DNM3: variants seen among roughly 807,000 people sequenced by gnomAD.
The protein encoded by DNM3 is dynamin-3.
DNM3 carries 47 observed loss-of-function variants against 101.6 expected under a neutral mutation model. The ratio of observed to expected loss-of-function variants is 0.46; its 90% CI spans 0.37 to 0.59. The LOEUF (loss-of-function observed/expected upper bound fraction) is 0.59, where lower values mean the gene tolerates loss of function less well. DNM3 is among the 20% of genes least tolerant of loss of function. The pLI is 0.00. For missense variants in DNM3, 849 were observed against 1,085.7 expected (o/e 0.78, Z 3.06); for synonymous variants, 385 against 387.9 (o/e 0.99, Z 0.09).
chr1:172,039,850 A>G (rs1382413731), intron 7 of DNM3, among the ~76,000 whole-genome samples: 1 of 152,124 alleles, frequency 6.6e-6, no homozygotes, highest in African/African-American at 2.4e-5. Flanking sequence ...ATGAATGATA[A>G]TAAGATTCTT....
At chr1:171,911,503 G>A (rs1259427574) in intron 1 of DNM3, among the ~76,000 whole-genome samples, 1 of 152,052 alleles carries the variant, frequency 6.6e-6, no homozygotes, top group East Asian at 1.9e-4. Flanking sequence ...AGCTGGTCTC[G>A]AACTCCCAAC....
intron 14 of DNM3, among the ~76,000 whole-genome samples, chr1:172,155,219 A>C (rs1281101936): frequency 6.6e-6 from 1 of 151,946 alleles, no homozygotes; most frequent in Non-Finnish European, 1.5e-5. Context: ...TTTAATAAAC[A>C]TGACCAAATC....
chr1:172,124,605 T>G (rs932157425), intron 13 of DNM3, among the ~76,000 whole-genome samples: 1 of 152,210 alleles, frequency 6.6e-6, no homozygotes, highest in Non-Finnish European at 1.5e-5. Flanking sequence ...AAGCATGTGC[T>G]TAGGAGAAGA....
At chr1:172,069,301 T>A (rs2125937287) in intron 11 of DNM3, among the ~76,000 whole-genome samples, 1 of 152,312 alleles carries the variant, frequency 6.6e-6, no homozygotes, top group South Asian at 2.1e-4. Context: ...TCCAGAAGAT[T>A]CACAAACTCC....
At chr1:172,314,509 C>G (rs1221728612) in intron 16 of DNM3, among the ~76,000 whole-genome samples, 1 of 152,150 alleles carries the variant, frequency 6.6e-6, no homozygotes, top group Non-Finnish European at 1.5e-5. Flanking sequence ...CAGACGGCAC[C>G]TGGAAAATCA....
At chr1:171,879,648 G>A (rs1311695517) in intron 1 of DNM3, among the ~76,000 whole-genome samples, 1 of 152,220 alleles carries the variant, frequency 6.6e-6, no homozygotes, top group Non-Finnish European at 1.5e-5. Flanking sequence ...GAAAGGCACA[G>A]TGGACTGCGT....
At chr1:171,984,239 AGTTGTTTCAAACCTAG>A (rs1364295565) in intron 2 of DNM3, among the ~76,000 whole-genome samples, 1 of 152,106 alleles carries the variant, frequency 6.6e-6, no homozygotes, top group Non-Finnish European at 1.5e-5. Flanking sequence ...CAGCATCCAC[AGTTGTTTCAAACCTAG>A]GTCACAGCAT....
At chr1:172,405,857 C>T (rs956074524) in intron 20 of DNM3, among the ~76,000 whole-genome samples, 1 of 151,380 alleles carries the variant, frequency 6.6e-6, no homozygotes, top group Non-Finnish European at 1.5e-5. Context: ...TTAGAGTCAC[C>T]AAGGATCTCA....
At chr1:172,059,744 G>C (rs1321699831) in intron 10 of DNM3, among the ~76,000 whole-genome samples, 1 of 141,486 alleles carries the variant, frequency 7.1e-6, no homozygotes, top group Non-Finnish European at 1.5e-5. Context: ...ATATCGTACT[G>C]AATGGGCAAA....
chr1:171,874,000 T>C (rs1035246581), intron 1 of DNM3, among the ~76,000 whole-genome samples: 15 of 152,164 alleles, frequency 9.9e-5, no homozygotes, highest in Admixed American at 8.5e-4. Context: ...TGAGAAGACC[T>C]CTTGCCACAG....
intron 1 of DNM3, among the ~76,000 whole-genome samples, chr1:171,844,776 T>C (rs2124954533): frequency 6.6e-6 from 1 of 152,370 alleles, no homozygotes; most frequent in South Asian, 2.1e-4. Flanking sequence ...TTGAGACCTA[T>C]AATCTGAACA....
Position 172,173,212 on chromosome 1 carries a change from G to A in DNM3, c.1659+41924G>A, listed in dbSNP as rs559264188. On this transcript the variant is annotated intron_variant, in intron 14 of 20. Coordinates refer to ENST00000627582, the MANE Select transcript of DNM3 (RefSeq NM_015569.5). ...CACTGACGGTGAAGATGGAGAGCCA[G>A]GGATGGAAGAGGGATGTTAAAGTAA... 2.0e-5 allele frequency among the ~76,000 whole-genome samples: 3 copies of A among 151,876 alleles called. No individual in the cohort carries two copies. In the South Asian group the frequency reaches 6.2e-4, roughly 31 times the overall value.
At chr1:171,950,507 T>A (rs1017391717) in intron 2 of DNM3, among the ~76,000 whole-genome samples, 2 of 152,152 alleles carry the variant, frequency 1.3e-5, no homozygotes, top group Admixed American at 6.6e-5. Context: ...GCTTGGTAGG[T>A]TCAGCATATT....
intron 14 of DNM3, among the ~76,000 whole-genome samples, chr1:172,237,316 G>A (rs1276751193): frequency 6.6e-6 from 1 of 151,834 alleles, no homozygotes; most frequent in African/African-American, 2.4e-5. Flanking sequence ...TTTACATATG[G>A]TGAAACTGAA....
rs577034473 is a variant in DNM3 at position 171,899,442 on chromosome 1, A to T, written c.162-22306A>T. Among the ~76,000 whole-genome samples, 4 of 152,298 alleles carry T rather than the reference A, an allele frequency of 2.6e-5. No individual in the cohort carries two copies. In the South Asian group the frequency reaches 8.3e-4, roughly 32 times the overall value. On this transcript the variant is annotated intron_variant, in intron 1 of 20. Coordinates refer to ENST00000627582, the MANE Select transcript of DNM3 (RefSeq NM_015569.5). The stretch of plus-strand genomic sequence containing the variant: ...TTTCCTCCATGCTTCCTATGGTGGA[A>T]CGGTAGTAAAATAGGAAAGTAAGTA...
intron 14 of DNM3, among the ~76,000 whole-genome samples, chr1:172,188,429 A>C (rs1203202181): frequency 6.6e-6 from 1 of 152,078 alleles, no homozygotes; most frequent in Non-Finnish European, 1.5e-5. Context: ...CTGGGCTGTC[A>C]TGACGAAAGC....
chr1:172,183,319 T>C (rs577351168), intron 14 of DNM3, among the ~76,000 whole-genome samples: 2 of 152,264 alleles, frequency 1.3e-5, no homozygotes, highest in South Asian at 2.1e-4. Flanking sequence ...ACACACTTTA[T>C]GGATATAATA....
intron 10 of DNM3, among the ~76,000 whole-genome samples, chr1:172,054,784 C>A (rs2050461370): frequency 6.6e-6 from 1 of 152,080 alleles, no homozygotes; most frequent in Non-Finnish European, 1.5e-5. Flanking sequence ...CATGGTAAAA[C>A]CCCATCTCTA....
At chr1:172,137,540 A>C (rs534572846) in intron 14 of DNM3, 3 of 152,306 alleles carry the variant, frequency 2.0e-5, no homozygotes. Context: ...TTTGAAACTC[A>C]CTGGGATCTT....
Sources: allele counts gnomAD v4.1 joint callset (sites outside exome capture counted in the v4.1 genomes callset), GRCh38; gene constraint gnomAD v4.1.1; transcripts MANE v1.5; gene names NCBI Gene and HGNC (gene_info 2026-07-23, HGNC 2026-07-21).